Variants in DLGAP1 observed in about 807,000 individuals in gnomAD.
DLGAP1 encodes the protein disks large-associated protein 1.
A neutral mutation model predicts 90.8 loss-of-function variants in DLGAP1; 11 were observed. The observed-to-expected ratio is 0.12, with a 90% CI of 0.08 to 0.20. The LOEUF (loss-of-function observed/expected upper bound fraction) is 0.20, where lower values mean the gene tolerates loss of function less well. Among genes scored for constraint, DLGAP1 ranks in the 10% least tolerant of loss-of-function variants. The pLI is 1.00. For synonymous variants in DLGAP1, 558 were observed against 540.7 expected (o/e 1.03, Z -0.44); for missense variants, 1,050 against 1,333.8 (o/e 0.79, Z 3.31).
chr18:4,269,760 A>G (rs2079232563), intron 1 of DLGAP1, among the ~76,000 whole-genome samples: 1 of 152,210 alleles, frequency 6.6e-6, no homozygotes, highest in Non-Finnish European at 1.5e-5. Flanking sequence ...ATGGCCAATG[A>G]TAAGTCTAGT....
At chr18:4,213,764 A>G (rs2077894680) in intron 1 of DLGAP1, among the ~76,000 whole-genome samples, 1 of 152,224 alleles carries the variant, frequency 6.6e-6, no homozygotes, top group Admixed American at 6.5e-5. Flanking sequence ...TAAGACAAAT[A>G]CAAGAACAAG....
At chr18:4,430,510 G>GTGTGTGTGTC (rs2083264775) in intron 1 of DLGAP1, 1 of 150,816 alleles carries the variant, frequency 6.6e-6, no homozygotes, top group East Asian at 1.9e-4. Flanking sequence ...GTCTGTGTGT[G>GTGTGTGTGTC]TGTGTGTGTG....
intron 2 of DLGAP1, among the ~76,000 whole-genome samples, chr18:4,093,279 G>A (rs1355051690): frequency 6.6e-6 from 1 of 152,106 alleles, no homozygotes; most frequent in Non-Finnish European, 1.5e-5. Context: ...TTAAAAAAAG[G>A]AAAAACCCAA....
At chr18:3,862,147 C>G (rs890384888) in intron 4 of DLGAP1, among the ~76,000 whole-genome samples, 1 of 152,198 alleles carries the variant, frequency 6.6e-6, no homozygotes, top group African/African-American at 2.4e-5. Flanking sequence ...AGCCCTTTCC[C>G]TTTGGCCAAA....
intron 7 of DLGAP1, among the ~76,000 whole-genome samples, chr18:3,684,383 A>C (rs1430241016): frequency 3.1e-5 from 4 of 129,684 alleles, no homozygotes; most frequent in Non-Finnish European, 6.4e-5. Flanking sequence ...TTTTTTTAGC[A>C]CAGATGGAGT....
intron 3 of DLGAP1, among the ~76,000 whole-genome samples, chr18:3,958,620 TA>T (rs1306500770): frequency 4.9e-4 from 26 of 52,952 alleles, no homozygotes; most frequent in Admixed American, 4.8e-3. Context: ...TAATCCTCTT[TA>T]CAAAAAAAAA....
chr18:3,751,974 C>T (rs1486570584), intron 5 of DLGAP1, among the ~76,000 whole-genome samples: 7 of 151,270 alleles, frequency 4.6e-5, no homozygotes, highest in Admixed American at 2.6e-4. Context: ...ACCTCTGCTG[C>T]CCAGGTTCAA....
intron 1 of DLGAP1, among the ~76,000 whole-genome samples, chr18:4,412,717 T>C (rs893050480): frequency 6.6e-6 from 1 of 151,916 alleles, no homozygotes; most frequent in African/African-American, 2.4e-5. Flanking sequence ...AATTTGGAGG[T>C]GGCAATGGTC....
intron 1 of DLGAP1, among the ~76,000 whole-genome samples, chr18:4,160,707 T>C (rs997425628): frequency 1.8e-4 from 27 of 152,182 alleles, no homozygotes; most frequent in African/African-American, 6.0e-4. Context: ...TGGTCTCAAT[T>C]TCACCTCTCA....
intron 4 of DLGAP1, among the ~76,000 whole-genome samples, chr18:3,876,400 T>C (rs2094759037): frequency 1.3e-5 from 2 of 152,216 alleles, no homozygotes; most frequent in South Asian, 4.1e-4. Flanking sequence ...ATAGATTTTT[T>C]CCCCTAGTTT....
intron 9 of DLGAP1, among the ~76,000 whole-genome samples, chr18:3,539,308 C>G (rs1044225999): frequency 3.3e-5 from 5 of 152,186 alleles, no homozygotes; most frequent in Admixed American, 6.5e-5. Flanking sequence ...AAAAGCTGAA[C>G]CCAGTGGCTT....
At chr18:4,003,606 AT>A in intron 3 of DLGAP1, among the ~76,000 whole-genome samples, 1 of 152,234 alleles carries the variant, frequency 6.6e-6, no homozygotes. Flanking sequence ...AAGAGGTGGC[AT>A]TTGGGGTGAA....
intron 1 of DLGAP1, among the ~76,000 whole-genome samples, chr18:4,438,390 C>T (rs1181505325): frequency 1.4e-5 from 2 of 138,612 alleles, no homozygotes; most frequent in Admixed American, 1.6e-4. Flanking sequence ...CGAGATTGCG[C>T]CACTGCACTC....
At chr18:4,252,774 T>C (rs2078810130) in intron 1 of DLGAP1, among the ~76,000 whole-genome samples, 1 of 152,186 alleles carries the variant, frequency 6.6e-6, no homozygotes, top group South Asian at 2.1e-4. Context: ...CAAGAGAACA[T>C]TGCCCCAGAT....
chr18:4,007,490 A>G (rs2074326771), intron 2 of DLGAP1, among the ~76,000 whole-genome samples: 1 of 152,080 alleles, frequency 6.6e-6, no homozygotes, highest in Non-Finnish European at 1.5e-5. Flanking sequence ...CCCCGTCTCT[A>G]CTAAAAAATA....
At chr18:3,661,391 C>T (rs1329603897) in intron 7 of DLGAP1, among the ~76,000 whole-genome samples, 2 of 152,124 alleles carry the variant, frequency 1.3e-5, no homozygotes, top group African/African-American at 2.4e-5. Flanking sequence ...ATGCTGTCTG[C>T]CCAGATCTCA....
chr18:3,883,248 C>CA (rs2071227329), intron 3 of DLGAP1, among the ~76,000 whole-genome samples: 1 of 151,372 alleles, frequency 6.6e-6, no homozygotes, highest in African/African-American at 2.5e-5. Flanking sequence ...CATCTCAAAA[C>CA]AAACAAACAA....
chr18:4,232,906 G>A (rs2078330525), intron 1 of DLGAP1, among the ~76,000 whole-genome samples: 1 of 152,120 alleles, frequency 6.6e-6, no homozygotes, highest in South Asian at 2.1e-4. Flanking sequence ...TTGTACACAG[G>A]TCAGCTCTCA....
At chr18:3,662,296 C>T (rs1310241289) in intron 7 of DLGAP1, among the ~76,000 whole-genome samples, 2 of 152,060 alleles carry the variant, frequency 1.3e-5, no homozygotes. Flanking sequence ...CTTTTAATGA[C>T]TGTAGAAATA....
Sources: gnomAD v4.1 joint callset for allele counts (sites outside exome capture counted in the v4.1 genomes callset) on GRCh38, gnomAD v4.1.1 for gene constraint, MANE v1.5 for transcripts, NCBI Gene and HGNC (gene_info 2026-07-23, HGNC 2026-07-21) for gene names.